The following LRFN2 variants were observed in gnomAD, a reference collection of about 807,000 sequenced individuals.
LRFN2 encodes leucine-rich repeat and fibronectin type-III domain-containing protein 2.
In LRFN2, 18 loss-of-function variants were observed where a neutral mutation model predicts 37.3. The observed-to-expected ratio is 0.48, with a 90% CI of 0.33 to 0.72. LRFN2 has a LOEUF of 0.72. LRFN2 is among the 30% of genes least tolerant of loss of function. The pLI, the probability that LRFN2 is intolerant of heterozygous loss-of-function variation, is 0.02. For missense variants in LRFN2, 1,006 were observed against 1,060.7 expected (o/e 0.95, Z 0.72); for synonymous variants, 556 against 466.6 (o/e 1.19, Z -2.47).
At chr6:40,402,299 C>G (rs1581678470) in intron 2 of LRFN2, among the ~76,000 whole-genome samples, 1 of 152,164 alleles carries the variant, frequency 6.6e-6, no homozygotes, top group Non-Finnish European at 1.5e-5. Context: ...AACCCCTGCT[C>G]AAGCTCACAC....
chr6:40,395,557 C>T (rs1222544841), intron 2 of LRFN2, among the ~76,000 whole-genome samples: 2 of 152,206 alleles, frequency 1.3e-5, no homozygotes, highest in Non-Finnish European at 2.9e-5. Context: ...GGCCTCGTTC[C>T]TTTCCCCTCA....
At chr6:40,560,014 C>T (rs1766964649) in intron 1 of LRFN2, among the ~76,000 whole-genome samples, 1 of 152,206 alleles carries the variant, frequency 6.6e-6, no homozygotes, top group South Asian at 2.1e-4. Context: ...CCTCCAGCTC[C>T]TGGAAACTGC....
chr6:40,543,675 G>A (rs1365672289), intron 1 of LRFN2, among the ~76,000 whole-genome samples: 2 of 152,212 alleles, frequency 1.3e-5, no homozygotes, highest in African/African-American at 4.8e-5. Flanking sequence ...ATAATTATGG[G>A]TCAAATCCTG....
At chr6:40,492,746 G>A (rs943513229) in intron 1 of LRFN2, among the ~76,000 whole-genome samples, 2 of 152,134 alleles carry the variant, frequency 1.3e-5, no homozygotes, top group African/African-American at 2.4e-5. Context: ...CCCCCAAGGA[G>A]GGCACTGGAG....
intron 1 of LRFN2, among the ~76,000 whole-genome samples, chr6:40,554,061 C>A (rs1766825386): frequency 6.6e-6 from 1 of 152,204 alleles, no homozygotes; most frequent in African/African-American, 2.4e-5. Flanking sequence ...CTTCCCCCAC[C>A]CATCTACCTA....
chr6:40,520,577 C>T (rs192979158), intron 1 of LRFN2, among the ~76,000 whole-genome samples: 20 of 152,344 alleles, frequency 1.3e-4, no homozygotes, highest in African/African-American at 4.6e-4. Context: ...TTTCCTATAA[C>T]TCCCATCCTC....
chr6:40,403,455 T>C (rs1231921870), intron 2 of LRFN2, among the ~76,000 whole-genome samples: 4 of 152,186 alleles, frequency 2.6e-5, no homozygotes, highest in African/African-American at 9.6e-5. Flanking sequence ...CCTCTGTCCC[T>C]GTTCTTCTGC....
chr6:40,486,630 G>A (rs1243904833), intron 1 of LRFN2, among the ~76,000 whole-genome samples: 1 of 152,140 alleles, frequency 6.6e-6, no homozygotes, highest in Non-Finnish European at 1.5e-5. Flanking sequence ...GGATGAGGCC[G>A]CCTCATTTGA....
chr6:40,460,131 G>A (rs1028933264), intron 1 of LRFN2, among the ~76,000 whole-genome samples: 3 of 152,222 alleles, frequency 2.0e-5, no homozygotes, highest in African/African-American at 4.8e-5. Flanking sequence ...GTGGACTCTT[G>A]TGGAGTCTCC....
intron 1 of LRFN2, among the ~76,000 whole-genome samples, chr6:40,556,633 A>T (rs1404035744): frequency 6.6e-6 from 1 of 150,854 alleles, no homozygotes; most frequent in Non-Finnish European, 1.5e-5. Flanking sequence ...ATGGCTAGTC[A>T]GTGTGGAGAG....
At chr6:40,457,709 C>T (rs1300093153) in intron 1 of LRFN2, among the ~76,000 whole-genome samples, 1 of 150,896 alleles carries the variant, frequency 6.6e-6, no homozygotes, top group Non-Finnish European at 1.5e-5. Context: ...CTGAAGGTGC[C>T]ATGATTTACC....
At chr6:40,548,572 G>A (rs955134693) in intron 1 of LRFN2, among the ~76,000 whole-genome samples, 2 of 152,180 alleles carry the variant, frequency 1.3e-5, no homozygotes, top group Non-Finnish European at 2.9e-5. Context: ...AGTATGTACA[G>A]CTATTATCCC....
intron 2 of LRFN2, among the ~76,000 whole-genome samples, chr6:40,405,285 G>A (rs929130845): frequency 9.2e-5 from 14 of 152,206 alleles, no homozygotes; most frequent in African/African-American, 3.1e-4. Context: ...TATGCACACA[G>A]GCTCTGGAGT....
intron 1 of LRFN2, among the ~76,000 whole-genome samples, chr6:40,517,802 A>T (rs1437891788): frequency 6.6e-6 from 1 of 152,122 alleles, no homozygotes; most frequent in Non-Finnish European, 1.5e-5. Context: ...AGAGCTGGGG[A>T]GAGAGTTTAT....
chr6:40,470,452 A>T (rs966537202), intron 1 of LRFN2, among the ~76,000 whole-genome samples: 2 of 152,164 alleles, frequency 1.3e-5, no homozygotes, highest in African/African-American at 4.8e-5. Context: ...TTAACTAAAA[A>T]TATAAAAATC....
chr6:40,394,520 G>T (rs1300818256), intron 2 of LRFN2, among the ~76,000 whole-genome samples: 2 of 152,182 alleles, frequency 1.3e-5, no homozygotes, highest in Non-Finnish European at 2.9e-5. Flanking sequence ...ACAGAGGACT[G>T]GAACTGACAG....
chr6:40,427,525 T>C (rs1763383183), intron 2 of LRFN2, among the ~76,000 whole-genome samples: 1 of 152,200 alleles, frequency 6.6e-6, no homozygotes, highest in Admixed American at 6.5e-5. Flanking sequence ...CCCTCATGAA[T>C]GGCAAGGAGG....
intron 1 of LRFN2, among the ~76,000 whole-genome samples, chr6:40,473,648 T>C (rs1764650844): frequency 6.6e-6 from 1 of 152,200 alleles, no homozygotes. Flanking sequence ...ACATGTGCCA[T>C]GGTGGTTTGC....
chr6:40,462,513 TC>T (rs1261882411), intron 1 of LRFN2, among the ~76,000 whole-genome samples: 1 of 152,132 alleles, frequency 6.6e-6, no homozygotes, highest in South Asian at 2.1e-4. Flanking sequence ...CCTCACTCTT[TC>T]GCTCCCTCAT....
Sources: gnomAD v4.1 joint callset for allele counts (sites outside exome capture counted in the v4.1 genomes callset) on GRCh38, gnomAD v4.1.1 for gene constraint, MANE v1.5 for transcripts, NCBI Gene and HGNC (gene_info 2026-07-23, HGNC 2026-07-21) for gene names.